Variants in CLVS1 observed in about 807,000 individuals in gnomAD.
The protein encoded by CLVS1 is clavesin 1.
Under a neutral mutation model 33.1 loss-of-function variants are expected in CLVS1, and 10 were observed. The observed-to-expected ratio is 0.30, with a 90% CI of 0.19 to 0.51. The LOEUF (loss-of-function observed/expected upper bound fraction) is 0.51, where lower values mean the gene tolerates loss of function less well. CLVS1 is among the 20% of genes least tolerant of loss of function. The probability of loss-of-function intolerance (pLI) is 0.97; values close to 1 mark genes in which losing one functional copy is unlikely to be tolerated. For synonymous variants in CLVS1, 163 were observed against 166.1 expected, an observed-to-expected ratio of 0.98 and a Z score of 0.14; for missense variants, 343 against 433.4, an observed-to-expected ratio of 0.79 and a Z score of 1.85.
Position 61,310,321 on chromosome 8 carries a change from C to T in CLVS1, c.455+10039C>T, listed in dbSNP as rs1810788374. 2.0e-5 allele frequency among the ~76,000 whole-genome samples: 3 copies of T among 152,178 alleles called. No individual in the cohort carries two copies. In the South Asian group the frequency reaches 6.2e-4, roughly 32 times the overall value. ...GCTCTTACGTAAGCACTACTAATAG[C>T]CATATTTTGCAGATGATGAAATTGA... On this transcript the variant is annotated intron_variant, in intron 2 of 5. Coordinates refer to ENST00000325897, the MANE Select transcript of CLVS1 (RefSeq NM_173519.3).
chr8:61,166,030 C>T (rs1416441425), intron 2 of CLVS1, among the ~76,000 whole-genome samples: 9 of 33,928 alleles, frequency 2.7e-4, no homozygotes, highest in South Asian at 2.1e-3. Flanking sequence ...AGCATCTAAG[C>T]GTTTTTTTTT....
At chr8:61,101,180 T>C (rs1294999657) in intron 1 of CLVS1, among the ~76,000 whole-genome samples, 8 of 152,202 alleles carry the variant, frequency 5.3e-5, no homozygotes, top group Non-Finnish European at 8.8e-5. Context: ...TTTTCTAAAG[T>C]GACTGCACTA....
chr8:61,414,830 C>A (rs972341780), intron 3 of CLVS1, among the ~76,000 whole-genome samples: 1 of 152,236 alleles, frequency 6.6e-6, no homozygotes, highest in Non-Finnish European at 1.5e-5. Context: ...GATGAGATGT[C>A]AAATGTGCTT....
chr8:61,254,317 T>C (rs1368883363), intron 2 of CLVS1, among the ~76,000 whole-genome samples: 2 of 152,190 alleles, frequency 1.3e-5, no homozygotes, highest in African/African-American at 2.4e-5. Context: ...GTGTGAGGTG[T>C]CAGTCTGCCC....
chr8:61,347,737 G>A (rs538572014), intron 2 of CLVS1, among the ~76,000 whole-genome samples: 1 of 137,676 alleles, frequency 7.3e-6, no homozygotes, highest in East Asian at 2.2e-4. Context: ...ATGGGACTTG[G>A]TAGTGCAAGT....
At chr8:61,469,667 A>G (rs996835732) in intron 5 of CLVS1, among the ~76,000 whole-genome samples, 11 of 152,230 alleles carry the variant, frequency 7.2e-5, no homozygotes, top group Non-Finnish European at 1.5e-4. Flanking sequence ...GTAATACATC[A>G]TCATGAAATA....
At chr8:61,015,912 G>A in the CLVS1 span, among the ~76,000 whole-genome samples, 2 of 152,120 alleles carry the variant, frequency 1.3e-5, no homozygotes, top group African/African-American at 4.8e-5. Context: ...GCCTGAGTAT[G>A]ATTAGACCAC....
chr8:61,410,074 T>G (rs1247300469), intron 3 of CLVS1, among the ~76,000 whole-genome samples: 3 of 150,522 alleles, frequency 2.0e-5, no homozygotes, highest in African/African-American at 7.3e-5. Context: ...AGGTTTTTTT[T>G]TTTTTTTTTT....
intron 2 of CLVS1, among the ~76,000 whole-genome samples, chr8:61,334,206 T>G (rs1175670727): frequency 6.6e-6 from 1 of 152,206 alleles, no homozygotes. Context: ...GATTGGATAG[T>G]AGCTCTGATG....
chr8:61,302,979 T>C (rs922846858), intron 2 of CLVS1, among the ~76,000 whole-genome samples: 3 of 152,150 alleles, frequency 2.0e-5, no homozygotes, highest in African/African-American at 2.4e-5. Context: ...GTGCTTAACC[T>C]TTAGAAACCA....
At chr8:61,156,767 T>C (rs1806659601) in intron 2 of CLVS1, among the ~76,000 whole-genome samples, 1 of 152,210 alleles carries the variant, frequency 6.6e-6, no homozygotes, top group African/African-American at 2.4e-5. Flanking sequence ...AAAATCACTG[T>C]AGAGTTTATG....
At chr8:61,082,320 A>T (rs1288666373) in intron 1 of CLVS1, among the ~76,000 whole-genome samples, 3 of 152,198 alleles carry the variant, frequency 2.0e-5, no homozygotes, top group African/African-American at 7.2e-5. Context: ...CAAAAGATGT[A>T]ATACGTAATG....
At chr8:61,443,264 G>A (rs940385960) in intron 3 of CLVS1, among the ~76,000 whole-genome samples, 3 of 152,086 alleles carry the variant, frequency 2.0e-5, no homozygotes, top group Non-Finnish European at 4.4e-5. Flanking sequence ...CTTTTTACTT[G>A]TTTTATGGAT....
intron 2 of CLVS1, among the ~76,000 whole-genome samples, chr8:61,304,783 G>GT (rs1251362313): frequency 2.6e-4 from 40 of 151,934 alleles, no homozygotes; most frequent in South Asian, 1.9e-3. Flanking sequence ...GGACACATCG[G>GT]TTTTTTTTCT....
At chr8:61,371,839 A>T (rs1813451292) in intron 2 of CLVS1, among the ~76,000 whole-genome samples, 1 of 152,174 alleles carries the variant, frequency 6.6e-6, no homozygotes, top group Non-Finnish European at 1.5e-5. Context: ...ATAATCTCTA[A>T]CTGCTCACAG....
intron 2 of CLVS1, among the ~76,000 whole-genome samples, chr8:61,133,101 A>G (rs559223928): frequency 6.6e-6 from 1 of 152,224 alleles, no homozygotes; most frequent in African/African-American, 2.4e-5. Context: ...GCATCTGGGA[A>G]GCATCAACCA....
chr8:61,144,548 G>A (rs145492558), intron 2 of CLVS1, among the ~76,000 whole-genome samples: 2 of 152,168 alleles, frequency 1.3e-5, no homozygotes, highest in East Asian at 3.9e-4. Flanking sequence ...GTAGAATGAT[G>A]TATAATCCTT....
At chr8:61,198,522 G>A (rs1807663013) in intron 2 of CLVS1, among the ~76,000 whole-genome samples, 1 of 152,134 alleles carries the variant, frequency 6.6e-6, no homozygotes, top group Non-Finnish European at 1.5e-5. Context: ...TGGGACTATA[G>A]GTGTGCACCA....
intron 2 of CLVS1, among the ~76,000 whole-genome samples, chr8:61,266,297 T>C (rs1057297512): frequency 4.0e-5 from 6 of 151,506 alleles, no homozygotes; most frequent in African/African-American, 4.8e-5. Context: ...TTCTTTCTTT[T>C]TTTTTTTTTT....
Sources: gnomAD v4.1 joint callset for allele counts (sites outside exome capture counted in the v4.1 genomes callset) on GRCh38, gnomAD v4.1.1 for gene constraint, MANE v1.5 for transcripts, NCBI Gene and HGNC (gene_info 2026-07-23, HGNC 2026-07-21) for gene names.